SLC4A7: variants seen among roughly 807,000 people sequenced by gnomAD.
The protein encoded by SLC4A7 is sodium bicarbonate cotransporter 3.
In SLC4A7, 51 loss-of-function variants were observed where a neutral mutation model predicts 137.6. The ratio of observed to expected loss-of-function variants is 0.37; its 90% CI spans 0.30 to 0.47. The LOEUF is 0.47. Among genes scored for constraint, SLC4A7 ranks in the 20% least tolerant of loss-of-function variants. The pLI is 1.00. For synonymous variants in SLC4A7, 542 were observed against 518.6 expected, an observed-to-expected ratio of 1.05 and a Z score of -0.61; for missense variants, 1,247 against 1,525.4, an observed-to-expected ratio of 0.82 and a Z score of 3.04.
chr3:27,433,734 A>AT (rs2056505948), intron 6 of SLC4A7, among the ~76,000 whole-genome samples, 182 bp downstream of exon 6: 1 of 152,256 alleles, frequency 6.6e-6, no homozygotes, highest in African/African-American at 2.4e-5. Context: ...ATTATAGATC[A>AT]TAATTTATGC....
At chr3:27,386,065 C>T (rs958807347) in intron 22 of SLC4A7, 42 bp from the exon 23 acceptor site, 5 of 1,445,114 alleles carry the variant, frequency 3.5e-6, no homozygotes, top group Non-Finnish European at 4.7e-6. Context: ...ACACATAATA[C>T]AAACTGTATC....
chr3:27,411,501 T>C (rs1473698816), intron 12 of SLC4A7, 141 bp downstream of exon 12: 1 of 324,008 alleles, frequency 3.1e-6, no homozygotes, highest in Non-Finnish European at 5.7e-6. Flanking sequence ...TAAATTTTCC[T>C]TATATATAAT....
chr3:27,418,094 T>C (rs1388688507), intron 11 of SLC4A7, among the ~76,000 whole-genome samples: 1 of 152,116 alleles, frequency 6.6e-6, no homozygotes, highest in Non-Finnish European at 1.5e-5. Context: ...AACCCAGGAA[T>C]AGAATAAATT....
chr3:27,456,316 C>G (rs2058405637), intron 1 of SLC4A7, among the ~76,000 whole-genome samples: 1 of 152,176 alleles, frequency 6.6e-6, no homozygotes, highest in Non-Finnish European at 1.5e-5. Context: ...GGAGTAAATT[C>G]ATAGTTATCG....
In SLC4A7 at chr3:27,373,274, TTAATG is replaced by T. The variant is rs1165032693; in HGVS notation, c.*3485_*3489del. The T allele has an allele frequency of 6.6e-6, 1 of 152,128 alleles. No individual in the cohort carries two copies. Among genetic ancestry groups the T allele is most frequent in the Non-Finnish European group, 1.5e-5 (1 of 67,984 alleles). 9.4% of individuals were successfully genotyped at this position (152,128 alleles called of 1,614,324 possible). On this transcript the variant is annotated 3_prime_UTR_variant, in exon 26 of 26. Coordinates refer to ENST00000454389, the MANE Select transcript of SLC4A7 (RefSeq NM_001321103.2). Reference sequence around the variant, plus strand: ...AACTATGTTTTCCTATAATTGACATTTAATGTTAGTTTTTGAAAAGTTAGAAAAGA... The same window carrying T: ...AACTATGTTTTCCTATAATTGACATTTTAGTTTTTGAAAAGTTAGAAAAGA...
At chr3:27,419,946 T>G (rs2054782488) in intron 10 of SLC4A7, among the ~76,000 whole-genome samples, 1 of 151,940 alleles carries the variant, frequency 6.6e-6, no homozygotes, top group South Asian at 2.1e-4. Flanking sequence ...CCCAGCACTT[T>G]GGGAGGCCGA....
intron 1 of SLC4A7, among the ~76,000 whole-genome samples, chr3:27,468,950 T>A (rs2150688706): frequency 6.6e-6 from 1 of 151,890 alleles, no homozygotes; most frequent in South Asian, 2.1e-4. Context: ...CTACTAAAAA[T>A]ACAAATATTA....
At chr3:27,444,541 G>A (rs1283416904) in intron 3 of SLC4A7, among the ~76,000 whole-genome samples, 2 of 152,068 alleles carry the variant, frequency 1.3e-5, no homozygotes. Context: ...TACTATCACT[G>A]TCTTGAAAAC....
intron 15 of SLC4A7, among the ~76,000 whole-genome samples, chr3:27,402,479 C>T (rs1352850013): frequency 6.6e-6 from 1 of 152,118 alleles, no homozygotes; most frequent in African/African-American, 2.4e-5. Flanking sequence ...GCAGGTGGAT[C>T]ACCTGAGGTC....
At chr3:27,438,667 TAA>T (rs1308533187) in intron 3 of SLC4A7, among the ~76,000 whole-genome samples, 118 of 100,934 alleles carry the variant, frequency 1.2e-3, no homozygotes, top group African/African-American at 3.7e-3. Flanking sequence ...AAACATAACA[TAA>T]AATAAAAATA....
chr3:27,403,417 CAT>C (rs1248427641), intron 14 of SLC4A7, 33 bp from the exon 15 acceptor site: 8 of 1,482,494 alleles, frequency 5.4e-6, no homozygotes, highest in East Asian at 2.3e-5. Context: ...ATATGATAAA[CAT>C]ATGTGGAATA....
chr3:27,412,397 G>A (rs1434339994), intron 11 of SLC4A7, among the ~76,000 whole-genome samples: 1 of 152,154 alleles, frequency 6.6e-6, no homozygotes. Flanking sequence ...AAAGATGGTA[G>A]GAAAGATGGA....
At chr3:27,400,501 A>G (rs558603045) in intron 16 of SLC4A7, among the ~76,000 whole-genome samples, 1 of 152,352 alleles carries the variant, frequency 6.6e-6, no homozygotes, top group South Asian at 2.1e-4. Context: ...ACAGAAGTAT[A>G]TTCACATCTT....
In SLC4A7 at chr3:27,420,763, T is replaced by G; in HGVS notation, c.1449A>C (p.Pro483=). The G allele has an allele frequency of 1.2e-6, 2 of 1,613,544 alleles. No individual in the cohort carries two copies. Among genetic ancestry groups the G allele is most frequent in the South Asian group, 2.2e-5 (2 of 91,054 alleles). The part of the protein sequence containing the change: ...PTRFLFLLLG[P]AGKAPQYHEI... ...CATGGTACTGTGGTGCCTTGCCCGC[T>G]GGACCCAATAACAAAAACAAAAACC... Residue 483 remains proline (P), a synonymous_variant, in exon 10 of 26, where the codon CCA becomes CCC. Transcript: ENST00000454389.
At chr3:27,442,047 A>C (rs935244345) in intron 3 of SLC4A7, among the ~76,000 whole-genome samples, 6 of 151,566 alleles carry the variant, frequency 4.0e-5, no homozygotes, top group African/African-American at 1.5e-4. Flanking sequence ...CACCTGGCTA[A>C]TTATTTTTAG....
chr3:27,470,897 G>A (rs13100612), intron 1 of SLC4A7, among the ~76,000 whole-genome samples: 33,212 of 151,916 alleles, frequency 0.22, 3,717 homozygotes, highest in Non-Finnish European at 0.25. Flanking sequence ...AGCCGAGATC[G>A]CGCCACTGCA....
At chr3:27,413,473 A>G (rs13100751) in intron 11 of SLC4A7, among the ~76,000 whole-genome samples, 25,266 of 152,140 alleles carry the variant, frequency 0.17, 2,473 homozygotes, top group Non-Finnish European at 0.23. Flanking sequence ...AAATCTATAA[A>G]CCAATCTACA....
chr3:27,440,690 T>C (rs1221654894), intron 3 of SLC4A7, among the ~76,000 whole-genome samples: 3 of 151,246 alleles, frequency 2.0e-5, no homozygotes, highest in Non-Finnish European at 4.4e-5. Flanking sequence ...ATCATGCCAC[T>C]ATACTCCAGC....
chr3:27,422,444 T>G (rs73048074), intron 8 of SLC4A7, among the ~76,000 whole-genome samples: 1 of 151,936 alleles, frequency 6.6e-6, no homozygotes, highest in Non-Finnish European at 1.5e-5. Flanking sequence ...ATTTTTGTTG[T>G]TTTTTTGTAG....
Sources: gnomAD v4.1 joint callset for allele counts (sites outside exome capture counted in the v4.1 genomes callset) on GRCh38, gnomAD v4.1.1 for gene constraint, MANE v1.5 for transcripts, NCBI Gene and HGNC (gene_info 2026-07-23, HGNC 2026-07-21) for gene names.